Variants in NALF1 observed in about 807,000 individuals in gnomAD.
NALF1 encodes family with sequence similarity 155 member A.
A neutral mutation model predicts 48.4 loss-of-function variants in NALF1; 3 were observed. The ratio of observed to expected loss-of-function variants is 0.06; its 90% CI spans 0.03 to 0.16. The LOEUF is 0.16. Ranked by LOEUF, NALF1 falls within the 10% of genes least tolerant of loss-of-function variation. The pLI, the probability that NALF1 is intolerant of heterozygous loss-of-function variation, is 1.00. For missense variants in NALF1, 526 were observed against 571.5 expected (o/e 0.92, Z 0.81); for synonymous variants, 262 against 245.7 (o/e 1.07, Z -0.62).
At chr13:107,373,861 T>C (rs1269889916) in intron 1 of NALF1, among the ~76,000 whole-genome samples, 2 of 152,172 alleles carry the variant, frequency 1.3e-5, no homozygotes, top group Non-Finnish European at 1.5e-5. Context: ...AGATTACTCA[T>C]CAAAAGAATC....
At chr13:107,624,137 A>G (rs975675550) in intron 1 of NALF1, among the ~76,000 whole-genome samples, 4 of 152,172 alleles carry the variant, frequency 2.6e-5, no homozygotes, top group African/African-American at 9.7e-5. Flanking sequence ...CTCATTTTAC[A>G]AACAAGACAA....
chr13:107,504,627 C>T (rs753808676), intron 1 of NALF1, among the ~76,000 whole-genome samples: 1 of 152,142 alleles, frequency 6.6e-6, no homozygotes, highest in Non-Finnish European at 1.5e-5. Flanking sequence ...ATACCGGTAT[C>T]GAAGGCCCCC....
chr13:107,329,500 T>A (rs55744160), intron 1 of NALF1, among the ~76,000 whole-genome samples: 10,020 of 152,002 alleles, frequency 0.066, 378 homozygotes, highest in East Asian at 0.14. Flanking sequence ...TTTTTTTTTT[T>A]AAATTTTATT....
chr13:107,639,116 TA>T (rs1234571506), intron 1 of NALF1, among the ~76,000 whole-genome samples: 1 of 152,202 alleles, frequency 6.6e-6, no homozygotes, highest in Admixed American at 6.5e-5. Flanking sequence ...AAGCTGCTCC[TA>T]TGAAGAGATA....
chr13:107,487,231 A>G (rs1453207945), intron 1 of NALF1, among the ~76,000 whole-genome samples: 3 of 152,144 alleles, frequency 2.0e-5, no homozygotes, highest in Non-Finnish European at 4.4e-5. Context: ...GACAATATTA[A>G]TATTTGAAAA....
chr13:107,734,316 C>T (rs573709127), intron 1 of NALF1, among the ~76,000 whole-genome samples: 1 of 151,986 alleles, frequency 6.6e-6, no homozygotes, highest in South Asian at 2.1e-4. Context: ...ATGAATTCTA[C>T]AATGTAACTT....
At chr13:107,224,169 A>G (rs1007611118) in intron 1 of NALF1, among the ~76,000 whole-genome samples, 3 of 151,982 alleles carry the variant, frequency 2.0e-5, no homozygotes, top group African/African-American at 7.2e-5. Flanking sequence ...CAGACAGTTG[A>G]TCATTATATA....
intron 1 of NALF1, among the ~76,000 whole-genome samples, chr13:107,244,640 T>C (rs1268195751): frequency 6.6e-6 from 1 of 152,184 alleles, no homozygotes; most frequent in Non-Finnish European, 1.5e-5. Context: ...AGTAGTCCTA[T>C]TTTTGTAGCT....
chr13:107,237,665 G>A (rs1483477175), intron 1 of NALF1, among the ~76,000 whole-genome samples: 2 of 152,130 alleles, frequency 1.3e-5, no homozygotes, highest in Non-Finnish European at 2.9e-5. Context: ...TACATGTTCA[G>A]CACAAATGCA....
At chr13:107,295,299 G>A (rs1881704305) in intron 1 of NALF1, among the ~76,000 whole-genome samples, 2 of 152,168 alleles carry the variant, frequency 1.3e-5, no homozygotes, top group Non-Finnish European at 2.9e-5. Flanking sequence ...TTGCATCCAT[G>A]TTGTTGCAAA....
At chr13:107,608,133 C>T (rs1329876039) in intron 1 of NALF1, among the ~76,000 whole-genome samples, 2 of 152,142 alleles carry the variant, frequency 1.3e-5, no homozygotes, top group Non-Finnish European at 2.9e-5. Context: ...TTTTGATGAA[C>T]AGAATGTGTT....
intron 1 of NALF1, among the ~76,000 whole-genome samples, chr13:107,471,804 G>T (rs753376): frequency 0.27 from 41,040 of 151,948 alleles, 6,570 homozygotes; most frequent in Middle Eastern, 0.4. Flanking sequence ...GTATCCCTGT[G>T]GCACTTAAAA....
At chr13:107,760,874 G>T (rs974623386) in intron 1 of NALF1, among the ~76,000 whole-genome samples, 1 of 152,034 alleles carries the variant, frequency 6.6e-6, no homozygotes, top group Non-Finnish European at 1.5e-5. Flanking sequence ...TAGTTGAGTC[G>T]GACTTGCTGT....
chr13:107,807,340 A>C (rs1342187711), intron 1 of NALF1, among the ~76,000 whole-genome samples: 2 of 152,196 alleles, frequency 1.3e-5, no homozygotes, highest in Non-Finnish European at 2.9e-5. Flanking sequence ...ATGACTCTGC[A>C]AGAACTAATA....
At position 107,866,696 on chromosome 13, in the gene NALF1, C is replaced by T. The variant is rs2138655224; in HGVS notation, c.-100G>A. 1.0e-6 allele frequency: 1 copy of T among 954,942 alleles called. No individual in the cohort carries two copies. Among genetic ancestry groups the T allele is most frequent in the African/African-American group, 1.7e-5 (1 of 60,586 alleles). 59.2% of individuals were successfully genotyped at this position (954,942 alleles called of 1,614,324 possible). On this transcript the variant is annotated 5_prime_UTR_variant, in exon 1 of 3. Coordinates refer to ENST00000375915, the MANE Select transcript of NALF1 (RefSeq NM_001080396.3). The surrounding 1 kb of genome is among the most constrained non-coding windows in gnomAD (Gnocchi z 4.4). ...CTTAAAGGGTTTAATTTCCTTATCC[C>T]CTCCTCCCGTTTCTTCTCTCTCCTC...
At chr13:107,722,595 C>T (rs186286891) in intron 1 of NALF1, among the ~76,000 whole-genome samples, 31 of 152,234 alleles carry the variant, frequency 2.0e-4, no homozygotes, top group Admixed American at 1.2e-3. Context: ...AACACTACCA[C>T]GCTCCTTCTG....
intron 1 of NALF1, among the ~76,000 whole-genome samples, chr13:107,487,525 C>T (rs1036197845): frequency 1.3e-5 from 2 of 152,066 alleles, no homozygotes; most frequent in African/African-American, 4.8e-5. Flanking sequence ...CATGTGTATC[C>T]ACTGGGTGAT....
At chr13:107,776,658 G>C (rs1398358630) in intron 1 of NALF1, among the ~76,000 whole-genome samples, 1 of 152,100 alleles carries the variant, frequency 6.6e-6, no homozygotes, top group Admixed American at 6.5e-5. Flanking sequence ...AAGTTGAGTA[G>C]GAAACAATTG....
At chr13:107,188,222 A>G (rs1879216398) in intron 2 of NALF1, among the ~76,000 whole-genome samples, 1 of 152,212 alleles carries the variant, frequency 6.6e-6, no homozygotes, top group South Asian at 2.1e-4. Context: ...ATTTGCTATG[A>G]TAGTGATTTC....
Sources: gnomAD v4.1 joint callset for allele counts (sites outside exome capture counted in the v4.1 genomes callset) on GRCh38, gnomAD v4.1.1 for gene constraint, Gnocchi (gnomAD v3.1) non-coding constraint, MANE v1.5 for transcripts, NCBI Gene and HGNC (gene_info 2026-07-23, HGNC 2026-07-21) for gene names.